The following FGF13 variants were observed in gnomAD, a reference collection of about 807,000 sequenced individuals.
The protein encoded by FGF13 is fibroblast growth factor homologous factor 2.
In FGF13, 2 loss-of-function variants were observed where a neutral mutation model predicts 19.5. The observed-to-expected ratio is 0.10, with a 90% CI of 0.04 to 0.32. FGF13 has a LOEUF of 0.32. FGF13 is among the 10% of genes least tolerant of loss of function. The pLI is 1.00. For missense variants in FGF13, 113 were observed against 192.7 expected (o/e 0.59, Z 2.45); for synonymous variants, 72 against 76.9 (o/e 0.94, Z 0.33).
At chrX:138,795,672 T>C (rs1354136588) in intron 3 of FGF13, among the ~76,000 whole-genome samples, 1 of 111,819 alleles carries the variant, frequency 8.9e-6, no homozygotes, top group Non-Finnish European at 1.9e-5. Context: ...TAATTTATTG[T>C]CCAAATCAGG....
intron 1 of FGF13, among the ~76,000 whole-genome samples, chrX:139,104,270 G>A (rs2083540600): frequency 9.0e-6 from 1 of 110,704 alleles, no homozygotes; most frequent in Non-Finnish European, 1.9e-5. Context: ...CCTGGTATTT[G>A]ATGAAACCTA....
chrX:139,082,235 G>A (rs12389929), intron 1 of FGF13, among the ~76,000 whole-genome samples: 6 of 109,957 alleles, frequency 5.5e-5, no homozygotes, highest in Non-Finnish European at 7.6e-5. Context: ...TCAGATATCC[G>A]CATGGCTGGC....
intron 3 of FGF13, among the ~76,000 whole-genome samples, chrX:138,768,738 G>GATATATATATATATATATATATGATATAT (rs1207173971): frequency 1.7e-4 from 16 of 94,747 alleles, no homozygotes; most frequent in African/African-American, 6.8e-4. Flanking sequence ...ATATATATAT[G>GATATATATATATATATATATATGATATAT]ATATATATAT....
intron 3 of FGF13, among the ~76,000 whole-genome samples, chrX:138,660,568 T>C (rs994003633): frequency 3.6e-5 from 4 of 111,715 alleles, no homozygotes; most frequent in African/African-American, 6.5e-5. Flanking sequence ...TCAGAGTAAA[T>C]GGGGTATCCA....
At chrX:138,637,668 T>C (rs1482771117) in intron 3 of FGF13, among the ~76,000 whole-genome samples, 1 of 111,755 alleles carries the variant, frequency 8.9e-6, no homozygotes, top group Non-Finnish European at 1.9e-5. Flanking sequence ...AGGTAAGTAA[T>C]ATGTGGCTTC....
intron 3 of FGF13, among the ~76,000 whole-genome samples, chrX:138,768,284 A>ATGCATTG (rs2090516367): frequency 8.9e-6 from 1 of 112,324 alleles, no homozygotes; most frequent in African/African-American, 3.2e-5. Flanking sequence ...AGTTTTAAGC[A>ATGCATTG]TGCATTGTCT....
intron 3 of FGF13, among the ~76,000 whole-genome samples, chrX:138,772,011 CAT>C (rs2090548335): frequency 1.9e-5 from 1 of 52,273 alleles, no homozygotes; most frequent in Non-Finnish European, 3.6e-5. Flanking sequence ...TATTAAGATA[CAT>C]ATGTGTATAT....
Position 138,615,781 on chromosome X carries a change from C to T in FGF13, c.*17069G>A, listed in dbSNP as rs1267174393. ...ATAAAGGAAAGAGTTTTAACTGACT[C>T]ACAGTTCCGCATGGCTTCGGAGGCC... On this transcript the variant is annotated 3_prime_UTR_variant, in exon 5 of 5. Transcript: ENST00000315930. 9.0e-6 allele frequency: 1 copy of T among 111,643 alleles called. No homozygotes were observed. Among genetic ancestry groups the T allele is most frequent in the Non-Finnish European group, 1.9e-5 (1 of 53,180 alleles). 9.2% of individuals were successfully genotyped at this position (111,643 alleles called of 1,213,427 possible). A position where few individuals can be genotyped will look rare whatever the true frequency, so the allele number is the denominator to read the frequency against.
chrX:139,095,003 A>G (rs2083461312), intron 1 of FGF13, among the ~76,000 whole-genome samples: 1 of 112,357 alleles, frequency 8.9e-6, no homozygotes, highest in African/African-American at 3.2e-5. Flanking sequence ...ATTGCCCCCA[A>G]ATATATGCTG....
chrX:138,970,978 C>T (rs1159873953), intron 1 of FGF13, among the ~76,000 whole-genome samples: 1 of 111,622 alleles, frequency 9.0e-6, no homozygotes, highest in Admixed American at 9.5e-5. Context: ...ACCTGGTCTC[C>T]GCAGTTAACA....
intron 1 of FGF13, among the ~76,000 whole-genome samples, chrX:138,973,383 T>A (rs990262078): frequency 1.8e-5 from 2 of 112,527 alleles, no homozygotes; most frequent in East Asian, 2.8e-4. Context: ...TTTGGTTTTT[T>A]AAAATATTTT....
intron 3 of FGF13, among the ~76,000 whole-genome samples, chrX:138,792,444 C>G (rs1393752253): frequency 9.0e-6 from 1 of 111,405 alleles, no homozygotes; most frequent in African/African-American, 3.3e-5. Flanking sequence ...TTTTTTCTCC[C>G]TAGAGCATGT....
chrX:139,003,008 C>G (rs1200468117), intron 1 of FGF13, among the ~76,000 whole-genome samples: 1 of 112,282 alleles, frequency 8.9e-6, no homozygotes, highest in East Asian at 2.8e-4. Flanking sequence ...GAGGGACAAG[C>G]AAAAGGGACT....
rs1428472378 is a variant in FGF13 at position 138,619,363 on chromosome X, T to G, written c.*13487A>C. ...CAATCAAATGAAAGAAATAATGAAG[T>G]CAAAGCATTAGGAGAAACACTTAAT... On this transcript the variant is annotated 3_prime_UTR_variant, in exon 5 of 5. Coordinates refer to ENST00000315930, the MANE Select transcript of FGF13 (RefSeq NM_004114.5). 1 of 110,283 alleles carries G rather than the reference T, an allele frequency of 9.1e-6. No homozygotes were observed. Among genetic ancestry groups the G allele is most frequent in the African/African-American group, 3.3e-5 (1 of 30,275 alleles). 9.1% of individuals were successfully genotyped at this position (110,283 alleles called of 1,213,427 possible).
At chrX:138,828,569 CA>C (rs11351814) in intron 3 of FGF13, among the ~76,000 whole-genome samples, 6,894 of 47,969 alleles carry the variant, frequency 0.14, 205 homozygotes, top group Non-Finnish European at 0.17. Flanking sequence ...GACTCCGTCT[CA>C]AAAAAAAAAA....
intron 1 of FGF13, among the ~76,000 whole-genome samples, chrX:139,036,039 TTAAAGATCA>T (rs2092249389): frequency 8.9e-6 from 1 of 111,852 alleles, no homozygotes; most frequent in Non-Finnish European, 1.9e-5. Context: ...AAACAAATGC[TTAAAGATCA>T]CAGAGAAAGT....
At chrX:138,730,083 TC>T (rs2090217070) in intron 1 of FGF13, among the ~76,000 whole-genome samples, 1 of 110,736 alleles carries the variant, frequency 9.0e-6, no homozygotes, top group Admixed American at 9.7e-5. Context: ...CACATAAAAA[TC>T]CAATTCTGCA....
At chrX:139,070,918 A>G (rs757966298) in intron 1 of FGF13, among the ~76,000 whole-genome samples, 101 of 111,189 alleles carry the variant, frequency 9.1e-4, no homozygotes, top group African/African-American at 3.3e-3. Flanking sequence ...GTTCTCACTC[A>G]TAAGTGGGAG....
intron 1 of FGF13, among the ~76,000 whole-genome samples, chrX:138,964,635 G>A (rs1569431771): frequency 8.9e-6 from 1 of 111,898 alleles, no homozygotes; most frequent in East Asian, 2.8e-4. Flanking sequence ...TTCTGCAGCT[G>A]TACAAGAAGC....
Sources: allele counts gnomAD v4.1 joint callset (sites outside exome capture counted in the v4.1 genomes callset), GRCh38; gene constraint gnomAD v4.1.1; transcripts MANE v1.5; gene names NCBI Gene and HGNC (gene_info 2026-07-23, HGNC 2026-07-21).